SLC35F3: variants seen among roughly 807,000 people sequenced by gnomAD.
SLC35F3 encodes putative thiamine transporter SLC35F3.
A neutral mutation model predicts 49.9 loss-of-function variants in SLC35F3; 25 were observed. That is an observed-to-expected ratio of 0.50 (90% CI 0.37 to 0.70). The LOEUF (loss-of-function observed/expected upper bound fraction) is 0.70. SLC35F3 is among the 30% of genes least tolerant of loss of function. SLC35F3 has a pLI of 0.00. For synonymous variants in SLC35F3, 275 were observed against 265.4 expected, an observed-to-expected ratio of 1.04 and a Z score of -0.35; for missense variants, 525 against 639.8, an observed-to-expected ratio of 0.82 and a Z score of 1.94.
intron 2 of SLC35F3, among the ~76,000 whole-genome samples, chr1:234,201,080 G>C (rs546994258): frequency 1.8e-4 from 28 of 152,280 alleles, no homozygotes; most frequent in African/African-American, 6.7e-4. Flanking sequence ...ATAACCCACA[G>C]TCCACTAGCA....
At chr1:233,943,205 A>G (rs1662456175) in intron 2 of SLC35F3, among the ~76,000 whole-genome samples, 1 of 152,222 alleles carries the variant, frequency 6.6e-6, no homozygotes, top group African/African-American at 2.4e-5. Context: ...CCTATGAAAC[A>G]AGGTGATTTA....
intron 3 of SLC35F3, among the ~76,000 whole-genome samples, chr1:234,278,154 C>T (rs1023002048): frequency 2.6e-5 from 4 of 151,982 alleles, no homozygotes; most frequent in Admixed American, 2.0e-4. Context: ...GATCACGCCA[C>T]TGCACTCCAG....
At chr1:234,141,598 C>T (rs1390352141) in intron 2 of SLC35F3, among the ~76,000 whole-genome samples, 3 of 152,180 alleles carry the variant, frequency 2.0e-5, no homozygotes, top group East Asian at 1.9e-4. Flanking sequence ...ATCCTCCTAA[C>T]GGTGGCTTTA....
At chr1:233,973,039 T>C (rs778727280) in intron 2 of SLC35F3, among the ~76,000 whole-genome samples, 2 of 152,230 alleles carry the variant, frequency 1.3e-5, no homozygotes, top group Non-Finnish European at 2.9e-5. Context: ...CCACACTTCT[T>C]GTCTCTGGCA....
intron 2 of SLC35F3, among the ~76,000 whole-genome samples, chr1:234,223,700 G>C (rs75347026): frequency 0.014 from 2,195 of 152,260 alleles, 58 homozygotes; most frequent in African/African-American, 0.05. Flanking sequence ...GGTGGCTCTT[G>C]GTCCATGCCT....
At chr1:234,028,114 T>C (rs1347756026) in intron 2 of SLC35F3, among the ~76,000 whole-genome samples, 19 of 152,332 alleles carry the variant, frequency 1.2e-4, no homozygotes, top group Middle Eastern at 6.8e-3. Flanking sequence ...TGTGTTCTTC[T>C]GACTGCAAGT....
intron 3 of SLC35F3, among the ~76,000 whole-genome samples, chr1:234,269,281 G>A (rs932140737): frequency 1.3e-5 from 2 of 152,142 alleles, no homozygotes; most frequent in Non-Finnish European, 2.9e-5. Context: ...CCCACAGCTG[G>A]TGAGATTATC....
rs1365674824 is a variant in SLC35F3, at chr1:233,905,823, C to T, written c.283+65C>T. 4.3e-5 allele frequency: 63 copies of T among 1,456,128 alleles called. No homozygotes were observed. In the South Asian group the frequency reaches 7.5e-4, roughly 17 times the overall value. 90.2% of individuals were successfully genotyped at this position (1,456,128 alleles called of 1,614,324 possible). A position where few individuals can be genotyped will look rare whatever the true frequency, so the allele number is the denominator to read the frequency against. On this transcript the variant is annotated intron_variant, in intron 2 of 7. Coordinates refer to ENST00000366618, the MANE Select transcript of SLC35F3 (RefSeq NM_173508.4). The stretch of plus-strand genomic sequence containing the variant: ...ATCTTCTTACCATTGTCACAGCAGC[C>T]TCGGGGAGCGCACGCAGTGAGGCGT...
rs756755751 is a variant in SLC35F3, at chr1:234,231,426, G to A, written c.293G>A (p.Arg98His). Residue 98 changes from arginine to histidine, a missense_variant, in exon 3 of 8, where the codon CGC becomes CAC. Coordinates refer to ENST00000366618, the MANE Select transcript of SLC35F3 (RefSeq NM_173508.4). The surrounding 1 kb of genome is among the most constrained non-coding windows in gnomAD (Gnocchi z 5.4). ...PWAASCKREE[R>H]PRDSPGPAEA... ...CCCTTCTCTTCCCCAGGGGAGGAGC[G>A]CCCCCGGGACTCCCCGGGCCCGGCG... The A allele has an allele frequency of 7.9e-5, 124 of 1,562,758 alleles. No homozygotes were observed. Among genetic ancestry groups the A allele is most frequent in the Middle Eastern group, 3.9e-4 (2 of 5,110 alleles).
chr1:234,019,176 TG>T (rs1237164651), intron 2 of SLC35F3, among the ~76,000 whole-genome samples: 3 of 152,162 alleles, frequency 2.0e-5, no homozygotes, highest in Non-Finnish European at 4.4e-5. Context: ...TCTGAGGTAG[TG>T]AACTCACTAT....
chr1:234,222,570 C>T lies in SLC35F3; in HGVS notation c.284-8847C>T, dbSNP rs531517393. On this transcript the variant is annotated intron_variant, in intron 2 of 7. Coordinates refer to ENST00000366618, the MANE Select transcript of SLC35F3 (RefSeq NM_173508.4). ...CCCCCATCCCCCCATAGCTGCCCAGCACCGCCTTGGTGAGTCTGGTGGGCT... is the reference window on the plus strand; with the variant it reads ...CCCCCATCCCCCCATAGCTGCCCAGTACCGCCTTGGTGAGTCTGGTGGGCT... Among the ~76,000 whole-genome samples, 126 of 152,320 alleles carry T rather than the reference C, an allele frequency of 8.3e-4. 2 individuals carry two copies. The highest frequency in any genetic ancestry group is 2.5e-3 in the Admixed American group (38 of 15,312).
At chr1:234,293,858 CTG>C (rs1468377411) in intron 3 of SLC35F3, among the ~76,000 whole-genome samples, 2 of 152,206 alleles carry the variant, frequency 1.3e-5, no homozygotes, top group African/African-American at 2.4e-5. Context: ...TTTCATAAAA[CTG>C]TTCTCTTTAG....
At position 234,214,191 on chromosome 1, in the gene SLC35F3, A is replaced by G; in HGVS notation, c.284-17226A>G. ...CGGAGCAGGTGAGCTGCGGGGTGGG[A>G]GCAGGGAGTGCACTTGTACGTGACG... On this transcript the variant is annotated intron_variant, in intron 2 of 7. Coordinates refer to ENST00000366618, the MANE Select transcript of SLC35F3 (RefSeq NM_173508.4). The surrounding 1 kb of genome is among the most constrained non-coding windows in gnomAD (Gnocchi z 8.0). 1 of 1,130,428 alleles carries G rather than the reference A, an allele frequency of 8.8e-7. No individual in the cohort carries two copies. Among genetic ancestry groups the G allele is most frequent in the Non-Finnish European group, 1.1e-6 (1 of 923,510 alleles). The allele number at this position is 1,130,428 out of a possible 1,614,324, so 70.0% of individuals were successfully genotyped here. A position where few individuals can be genotyped will look rare whatever the true frequency, so the allele number is the denominator to read the frequency against.
intron 3 of SLC35F3, among the ~76,000 whole-genome samples, chr1:234,242,074 T>A (rs1667562642): frequency 6.6e-6 from 1 of 152,242 alleles, no homozygotes. Context: ...GCTTGGCTAA[T>A]GAAACAGGAG....
intron 3 of SLC35F3, among the ~76,000 whole-genome samples, chr1:234,251,217 G>A (rs891769945): frequency 6.6e-6 from 1 of 152,054 alleles, no homozygotes; most frequent in Admixed American, 6.6e-5. Context: ...AGAGGTAAAG[G>A]AAATAGCAAG....
At chr1:234,070,498 C>G (rs1664696664) in intron 2 of SLC35F3, among the ~76,000 whole-genome samples, 1 of 152,092 alleles carries the variant, frequency 6.6e-6, no homozygotes, top group South Asian at 2.1e-4. Flanking sequence ...TATTTTTATC[C>G]TGGTTTCAGG....
At chr1:234,003,769 C>T (rs751173390) in intron 2 of SLC35F3, among the ~76,000 whole-genome samples, 1 of 152,020 alleles carries the variant, frequency 6.6e-6, no homozygotes, top group Non-Finnish European at 1.5e-5. Context: ...GATAGTCAAA[C>T]GACAAACCAA....
chr1:234,030,556 T>C lies in SLC35F3; in HGVS notation c.283+124798T>C, dbSNP rs115491629. Among the ~76,000 whole-genome samples, 1,297 of 152,274 alleles carry C rather than the reference T, an allele frequency of 8.5e-3. 13 individuals are homozygous for C. The highest frequency in any genetic ancestry group is 0.029 in the African/African-American group (1,218 of 41,546). On this transcript the variant is annotated intron_variant, in intron 2 of 7. Coordinates refer to ENST00000366618, the MANE Select transcript of SLC35F3 (RefSeq NM_173508.4). The stretch of plus-strand genomic sequence containing the variant: ...ACATTCCCCTGAGAAAGCACAGTTA[T>C]AAAGCGTTAACTCCTCCAAGGCTCA...
intron 2 of SLC35F3, among the ~76,000 whole-genome samples, chr1:233,958,350 A>T (rs916709160): frequency 2.0e-5 from 3 of 152,242 alleles, no homozygotes; most frequent in African/African-American, 4.8e-5. Context: ...ACAAATGGTC[A>T]TGCCTTTCTC....
Sources: gnomAD v4.1 joint callset for allele counts (sites outside exome capture counted in the v4.1 genomes callset) on GRCh38, gnomAD v4.1.1 for gene constraint, Gnocchi (gnomAD v3.1) non-coding constraint, MANE v1.5 for transcripts, NCBI Gene and HGNC (gene_info 2026-07-23, HGNC 2026-07-21) for gene names.